GPC5: variants seen among roughly 807,000 people sequenced by gnomAD.
GPC5 encodes the protein glypican-5.
In GPC5, 47 loss-of-function variants were observed where a neutral mutation model predicts 53.9. That is an observed-to-expected ratio of 0.87 (90% confidence interval 0.69 to 1.11). The LOEUF (loss-of-function observed/expected upper bound fraction) is 1.11, where lower values mean the gene tolerates loss of function less well. Ranked by LOEUF, GPC5 falls within the 50% of genes most tolerant of loss-of-function variation. GPC5 has a pLI of 0.00. For missense variants in GPC5, 748 were observed against 713.1 expected (o/e 1.05, Z -0.56); for synonymous variants, 286 against 263.3 (o/e 1.09, Z -0.84).
At chr13:91,690,222 A>G (rs771534838) in intron 2 of GPC5, among the ~76,000 whole-genome samples, 18 of 152,324 alleles carry the variant, frequency 1.2e-4, no homozygotes, top group Admixed American at 3.9e-4. Flanking sequence ...TAAAGTCAAT[A>G]CACAGTTTAT....
intron 7 of GPC5, among the ~76,000 whole-genome samples, chr13:92,393,917 A>AT (rs147868726): frequency 5.3e-5 from 8 of 152,012 alleles, no homozygotes; most frequent in African/African-American, 1.7e-4. Flanking sequence ...TTTCCTTGAG[A>AT]TTTTTTTATC....
intron 7 of GPC5, among the ~76,000 whole-genome samples, chr13:92,657,253 TAAAAAG>T (rs1473069418): frequency 1.3e-5 from 2 of 152,032 alleles, no homozygotes; most frequent in East Asian, 3.8e-4. Context: ...TATATTTAAA[TAAAAAG>T]AAAAAGTCAT....
At chr13:91,508,718 A>G (rs924021000) in intron 2 of GPC5, among the ~76,000 whole-genome samples, 6 of 152,250 alleles carry the variant, frequency 3.9e-5, no homozygotes, top group African/African-American at 1.4e-4. Flanking sequence ...CTATAAACAT[A>G]TATCTAATTC....
At chr13:92,642,026 A>G (rs758005598) in intron 7 of GPC5, among the ~76,000 whole-genome samples, 15 of 152,140 alleles carry the variant, frequency 9.9e-5, no homozygotes, top group Non-Finnish European at 2.2e-4. Context: ...ACCTGTACAC[A>G]TAGTCTCATT....
chr13:92,418,099 A>C (rs1022665427), intron 7 of GPC5, among the ~76,000 whole-genome samples: 1 of 152,166 alleles, frequency 6.6e-6, no homozygotes, highest in Non-Finnish European at 1.5e-5. Context: ...AGAATTGGTG[A>C]ATTTATAGAG....
chr13:92,669,841 C>T (rs181636617), intron 7 of GPC5, among the ~76,000 whole-genome samples: 3 of 152,294 alleles, frequency 2.0e-5, no homozygotes, highest in Admixed American at 2.0e-4. Flanking sequence ...TACTCCACCC[C>T]ATGTCCCTTC....
intron 7 of GPC5, among the ~76,000 whole-genome samples, chr13:92,573,619 T>C (rs955425200): frequency 6.6e-6 from 1 of 152,102 alleles, no homozygotes; most frequent in African/African-American, 2.4e-5. Context: ...TAGAGGGCGA[T>C]ATAGTGACAT....
At chr13:92,272,652 C>A (rs72638623) in intron 7 of GPC5, among the ~76,000 whole-genome samples, 2 of 152,192 alleles carry the variant, frequency 1.3e-5, no homozygotes, top group Non-Finnish European at 2.9e-5. Context: ...GGCCTGGGAC[C>A]TACCTGGCCA....
intron 7 of GPC5, among the ~76,000 whole-genome samples, chr13:92,575,433 C>T (rs1265846017): frequency 1.3e-5 from 2 of 152,104 alleles, no homozygotes; most frequent in African/African-American, 4.8e-5. Context: ...AGAACATTTT[C>T]AGACACTAGA....
chr13:92,091,277 A>G, intron 6 of GPC5, among the ~76,000 whole-genome samples: 1 of 152,180 alleles, frequency 6.6e-6, no homozygotes, highest in Non-Finnish European at 1.5e-5. Context: ...TAATTTTCTC[A>G]TTAGATACAG....
intron 5 of GPC5, among the ~76,000 whole-genome samples, chr13:91,820,348 T>C (rs961815885): frequency 3.3e-5 from 5 of 152,194 alleles, no homozygotes; most frequent in Admixed American, 1.3e-4. Context: ...TCTCATAGCC[T>C]TATAGGCATG....
intron 7 of GPC5, among the ~76,000 whole-genome samples, chr13:92,246,115 T>C (rs147336957): frequency 4.6e-5 from 7 of 152,186 alleles, no homozygotes; most frequent in South Asian, 4.1e-4. Flanking sequence ...TGGAAATAAT[T>C]TCTTTTCTTT....
At chr13:91,988,298 C>T (rs949849394) in intron 6 of GPC5, among the ~76,000 whole-genome samples, 7 of 151,960 alleles carry the variant, frequency 4.6e-5, no homozygotes, top group African/African-American at 1.7e-4. Context: ...ATGAGAAAGC[C>T]AGAAAGTCAA....
Position 91,571,869 on chromosome 13 carries a change from A to ATATACACACGTATACGTGTGTG in GPC5, c.326-121314_326-121313insCACACGTATACGTGTGTGTATA, listed in dbSNP as rs2031842646. ...TGTATATACACATATACGTGTGTGTATATATACACACATATACGTGTGTAT... is the reference window on the plus strand; with the variant it reads ...TGTATATACACATATACGTGTGTGTATATACACACGTATACGTGTGTGTATATACACACATATACGTGTGTAT... On this transcript the variant is annotated intron_variant, in intron 2 of 7. Transcript: ENST00000377067. 1.6e-4 allele frequency among the ~76,000 whole-genome samples: 12 copies of ATATACACACGTATACGTGTGTG among 75,178 alleles called. 3 individuals carry two copies. The highest frequency in any genetic ancestry group is 7.0e-4 in the African/African-American group (11 of 15,622). The allele number at this position is 75,178 out of a possible 152,430, so 49.3% of individuals were successfully genotyped here.
intron 5 of GPC5, among the ~76,000 whole-genome samples, chr13:91,775,519 T>C (rs948652019): frequency 1.3e-5 from 2 of 152,218 alleles, no homozygotes; most frequent in African/African-American, 4.8e-5. Context: ...TATCTGCACC[T>C]CTATATTTCT....
chr13:91,645,216 A>G (rs1018320785), intron 2 of GPC5, among the ~76,000 whole-genome samples: 24 of 152,150 alleles, frequency 1.6e-4, no homozygotes, highest in African/African-American at 2.4e-5. Context: ...TTAGTTCAAT[A>G]TCCTGTTTTT....
chr13:91,747,844 A>G (rs1214992494), intron 4 of GPC5, among the ~76,000 whole-genome samples: 1 of 152,204 alleles, frequency 6.6e-6, no homozygotes, highest in East Asian at 1.9e-4. Flanking sequence ...TGAAGTCTGT[A>G]TCAACTAAAT....
intron 2 of GPC5, among the ~76,000 whole-genome samples, chr13:91,505,541 A>G (rs1566459398): frequency 6.6e-6 from 1 of 152,172 alleles, no homozygotes; most frequent in African/African-American, 2.4e-5. Context: ...AGGCTATGTC[A>G]TGTCAGTCAA....
intron 6 of GPC5, among the ~76,000 whole-genome samples, chr13:92,006,662 C>A (rs930174260): frequency 6.6e-6 from 1 of 152,074 alleles, no homozygotes; most frequent in East Asian, 1.9e-4. Context: ...CTTCCTTGAC[C>A]TACCAAGATC....
Sources: allele counts gnomAD v4.1 joint callset (sites outside exome capture counted in the v4.1 genomes callset), GRCh38; gene constraint gnomAD v4.1.1; transcripts MANE v1.5; gene names NCBI Gene and HGNC (gene_info 2026-07-23, HGNC 2026-07-21).